TENT4B: variants seen among roughly 807,000 people sequenced by gnomAD.
TENT4B encodes the protein PAP associated domain containing 5.
TENT4B carries 10 observed loss-of-function variants against 75.0 expected under a neutral mutation model. The observed-to-expected ratio is 0.13, with a 90% confidence interval of 0.08 to 0.23. The LOEUF (loss-of-function observed/expected upper bound fraction) is 0.23. TENT4B is among the 10% of genes least tolerant of loss of function. The pLI is 1.00. For synonymous variants in TENT4B, 350 were observed against 357.7 expected (o/e 0.98, Z 0.24); for missense variants, 579 against 893.8 (o/e 0.65, Z 4.49).
intron 10 of TENT4B, among the ~76,000 whole-genome samples, chr16:50,226,406 T>G (rs930806424): frequency 2.6e-5 from 4 of 152,086 alleles, no homozygotes; most frequent in African/African-American, 4.8e-5. Flanking sequence ...TTTTTTCAGC[T>G]TTCTGGTTGA....
chr16:50,187,340 G>C (rs889964360), intron 1 of TENT4B, among the ~76,000 whole-genome samples: 3 of 152,174 alleles, frequency 2.0e-5, no homozygotes, highest in African/African-American at 7.2e-5. Flanking sequence ...CCCACTACTT[G>C]GGGAGGCCGA....
intron 1 of TENT4B, among the ~76,000 whole-genome samples, chr16:50,209,505 G>A (rs967998315): frequency 6.6e-6 from 1 of 152,182 alleles, no homozygotes; most frequent in East Asian, 1.9e-4. Context: ...CAAGGAAAAC[G>A]TCCCCACTGG....
At chr16:50,189,081 C>A (rs962040089) in intron 1 of TENT4B, among the ~76,000 whole-genome samples, 2 of 152,086 alleles carry the variant, frequency 1.3e-5, no homozygotes, top group African/African-American at 4.8e-5. Flanking sequence ...TTCTTAATTC[C>A]ATTGTAACTT....
chr16:50,174,456 A>G (rs1194799360), intron 1 of TENT4B, among the ~76,000 whole-genome samples: 1 of 152,204 alleles, frequency 6.6e-6, no homozygotes, highest in Non-Finnish European at 1.5e-5. Flanking sequence ...TTTAAAATTA[A>G]TACTTAATAA....
Position 50,227,969 on chromosome 16 carries a change from CCACTAA to C in TENT4B, c.1935_1940del (p.Asn646_Thr647del). The stretch of plus-strand genomic sequence containing the variant: ...GTTGGGAAAATGCAAAGCACCCAAA[CCACTAA>C]CACATCCAACAGCACCAACAAATCT... On this transcript the variant is annotated inframe_deletion, in exon 11 of 12. Transcript: ENST00000561678. 1 of 1,613,972 alleles carries C rather than the reference CCACTAA, an allele frequency of 6.2e-7. No individual in the cohort carries two copies. The highest frequency in any genetic ancestry group is 1.3e-5 in the African/African-American group (1 of 75,030).
chr16:50,201,398 G>A (rs538326000), intron 1 of TENT4B, among the ~76,000 whole-genome samples: 6 of 152,038 alleles, frequency 3.9e-5, no homozygotes, highest in East Asian at 1.9e-4. Flanking sequence ...TTAGCTGGGC[G>A]TGGTGGCGCA....
chr16:50,225,755 T>C (rs948218277), intron 10 of TENT4B, among the ~76,000 whole-genome samples: 1 of 151,732 alleles, frequency 6.6e-6, no homozygotes, highest in Non-Finnish European at 1.5e-5. Flanking sequence ...TGATCTCGGC[T>C]CACTGCAACC....
At position 50,193,424 on chromosome 16, in the gene TENT4B, G is replaced by T. The variant is rs558878659; in HGVS notation, c.639-17899G>T. Among the ~76,000 whole-genome samples, 241 of 144,292 alleles carry T rather than the reference G, an allele frequency of 1.7e-3. 1 individual carries two copies. The highest frequency in any genetic ancestry group is 6.0e-3 in the African/African-American group (231 of 38,348). 94.7% of individuals were successfully genotyped at this position (144,292 alleles called of 152,430 possible). On this transcript the variant is annotated intron_variant, in intron 1 of 11. Coordinates refer to ENST00000561678, the MANE Select transcript of TENT4B (RefSeq NM_001365324.3). ...ACGATCTCGGCTCACTGCAACCTCTGCCTCCTGGGCTCAAGCAATTCTCCT... is the reference window on the plus strand; with the variant it reads ...ACGATCTCGGCTCACTGCAACCTCTTCCTCCTGGGCTCAAGCAATTCTCCT...
intron 2 of TENT4B, 131 bp from the exon 3 acceptor site, chr16:50,214,090 A>C: frequency 1.5e-6 from 1 of 663,444 alleles, no homozygotes; most frequent in Non-Finnish European, 2.7e-6. Flanking sequence ...GGTTAGAAAA[A>C]AATGCTCTTG....
Position 50,230,429 on chromosome 16 carries a change from ATTC to A in TENT4B, c.*1104_*1106del. On this transcript the variant is annotated 3_prime_UTR_variant, in exon 12 of 12. Coordinates refer to ENST00000561678, the MANE Select transcript of TENT4B (RefSeq NM_001365324.3). ...TGCGTGTGCCTGTTTCTCATCTCTT[ATTC>A]TTTTTAAAATTCATGCTTAACTACT... 1.0e-6 allele frequency: 1 copy of A among 985,496 alleles called. No individual in the cohort carries two copies. Among genetic ancestry groups the A allele is most frequent in the South Asian group, 4.7e-5 (1 of 21,280 alleles). 61.0% of individuals were successfully genotyped at this position (985,496 alleles called of 1,614,324 possible).
intron 1 of TENT4B, among the ~76,000 whole-genome samples, chr16:50,159,210 C>G (rs893887536): frequency 6.6e-6 from 1 of 151,068 alleles, no homozygotes; most frequent in East Asian, 1.9e-4. Flanking sequence ...TTCTCTCTCT[C>G]TCTCGCTCTC....
At chr16:50,168,643 A>G (rs1316729096) in intron 1 of TENT4B, among the ~76,000 whole-genome samples, 1 of 149,442 alleles carries the variant, frequency 6.7e-6, no homozygotes, top group Non-Finnish European at 1.5e-5. Flanking sequence ...CAAATTCCAT[A>G]TCACATAATT....
chr16:50,207,608 A>G (rs936318172), intron 1 of TENT4B, among the ~76,000 whole-genome samples: 4 of 152,112 alleles, frequency 2.6e-5, no homozygotes, highest in African/African-American at 9.7e-5. Context: ...GTTCAGTATG[A>G]TGTATTTTAT....
chr16:50,178,998 G>C (rs1333890467), intron 1 of TENT4B, among the ~76,000 whole-genome samples: 1 of 152,138 alleles, frequency 6.6e-6, no homozygotes, highest in Non-Finnish European at 1.5e-5. Flanking sequence ...AATTTTTACA[G>C]ATGGAAAAAA....
chr16:50,153,222 A>G (rs1291670070), upstream of TENT4B, among the ~76,000 whole-genome samples: 1 of 125,006 alleles, frequency 8.0e-6, no homozygotes, highest in Non-Finnish European at 1.7e-5. Flanking sequence ...GAGCCGGCAG[A>G]GGCCCCGCCC....
intron 1 of TENT4B, among the ~76,000 whole-genome samples, chr16:50,180,292 C>T (rs368847553): frequency 1.1e-3 from 174 of 152,142 alleles, no homozygotes; most frequent in African/African-American, 3.7e-3. Flanking sequence ...TTATTAGAGA[C>T]GGGATTTCAC....
At chr16:50,155,531 C>T (rs1288341421) in intron 1 of TENT4B, among the ~76,000 whole-genome samples, 2 of 152,110 alleles carry the variant, frequency 1.3e-5, no homozygotes, top group Non-Finnish European at 2.9e-5. Flanking sequence ...GTTCCATCTG[C>T]TTCCAGTGGG....
chr16:50,219,097 T>C (rs1239401971), intron 5 of TENT4B, among the ~76,000 whole-genome samples: 1 of 152,038 alleles, frequency 6.6e-6, no homozygotes, highest in Non-Finnish European at 1.5e-5. Flanking sequence ...ATTGGGGGTG[T>C]GTGTGTGTGT....
intron 1 of TENT4B, among the ~76,000 whole-genome samples, chr16:50,186,032 T>C (rs1161125043): frequency 6.6e-6 from 1 of 152,212 alleles, no homozygotes. Context: ...CTTAACGTTT[T>C]TCTTATTGTG....
Sources: allele counts gnomAD v4.1 joint callset (sites outside exome capture counted in the v4.1 genomes callset), GRCh38; gene constraint gnomAD v4.1.1; transcripts MANE v1.5; gene names NCBI Gene and HGNC (gene_info 2026-07-23, HGNC 2026-07-21).